RARB: variants seen among roughly 807,000 people sequenced by gnomAD.
The protein encoded by RARB is retinoic acid receptor beta.
In RARB, 17 loss-of-function variants were observed where a neutral mutation model predicts 51.9. The ratio of observed to expected loss-of-function variants is 0.33; its 90% CI spans 0.22 to 0.49. The LOEUF is 0.49. Among genes scored for constraint, RARB ranks in the 20% least tolerant of loss-of-function variants. The pLI is 0.99. For synonymous variants in RARB, 215 were observed against 195.4 expected (o/e 1.10, Z -0.84); for missense variants, 369 against 550.8 (o/e 0.67, Z 3.30).
At chr3:25,207,692 C>G (rs1194782420) in intron 5 of RARB, among the ~76,000 whole-genome samples, 2 of 152,096 alleles carry the variant, frequency 1.3e-5, no homozygotes, top group East Asian at 1.9e-4. Flanking sequence ...TTGTGCTGTT[C>G]CCTAACATAC....
chr3:25,248,413 T>C (rs967070833), intron 5 of RARB, among the ~76,000 whole-genome samples: 1 of 152,192 alleles, frequency 6.6e-6, no homozygotes, highest in East Asian at 1.9e-4. Flanking sequence ...ATTTTATTAA[T>C]TGAGCTATTG....
chr3:25,578,966 C>G (rs1405096275), intron 4 of RARB, among the ~76,000 whole-genome samples: 5 of 152,208 alleles, frequency 3.3e-5, no homozygotes, highest in African/African-American at 1.2e-4. Flanking sequence ...TTACAAATAT[C>G]TCATCATTTT....
intron 2 of RARB, among the ~76,000 whole-genome samples, chr3:24,953,811 C>T (rs955884490): frequency 2.6e-5 from 4 of 152,104 alleles, no homozygotes; most frequent in South Asian, 2.1e-4. Flanking sequence ...TATGGTGTGC[C>T]GTGCCCATTC....
chr3:25,007,552 G>A (rs371621465), intron 2 of RARB, among the ~76,000 whole-genome samples: 30 of 133,288 alleles, frequency 2.3e-4, no homozygotes, highest in East Asian at 9.3e-4. Context: ...CTGAGATTGC[G>A]CCATTGCATT....
intron 3 of RARB, among the ~76,000 whole-genome samples, chr3:25,560,674 A>G (rs1013542158): frequency 2.0e-5 from 3 of 152,196 alleles, no homozygotes; most frequent in Non-Finnish European, 4.4e-5. Flanking sequence ...TGCTGGTCTC[A>G]TCTTGGATAA....
At position 25,594,596 on chromosome 3, in the gene RARB, C is replaced by T. The variant is rs146494197; in HGVS notation, c.1068C>T (p.Ile356=). ...EPLLEALKIY[I]RKRRPSKPHM... The stretch of plus-strand genomic sequence containing the variant: ...TGCTGGAAGCACTAAAAATTTATAT[C>T]AGAAAAAGACGACCCAGCAAGCCTC... The change falls in exon 7 of 8, where the codon ATC becomes ATT. Residue 356 remains isoleucine, a synonymous_variant. Transcript: ENST00000330688. 5.0e-6 allele frequency: 8 copies of T among 1,613,656 alleles called. No individual in the cohort carries two copies. The African/African-American group carries it at 8.0e-5, about 16-fold the overall frequency.
chr3:24,968,512 C>A (rs768760727), intron 2 of RARB, among the ~76,000 whole-genome samples: 1 of 152,078 alleles, frequency 6.6e-6, no homozygotes, highest in Non-Finnish European at 1.5e-5. Context: ...GGGCTGGGAT[C>A]AGTTGGGCTG....
chr3:24,977,436 T>C (rs1204954442), intron 2 of RARB, among the ~76,000 whole-genome samples: 4 of 152,196 alleles, frequency 2.6e-5, no homozygotes, highest in African/African-American at 9.6e-5. Context: ...TTTTATTTCG[T>C]TGAGCAGTGG....
At chr3:25,048,898 G>T (rs980117432) in intron 2 of RARB, among the ~76,000 whole-genome samples, 1 of 151,780 alleles carries the variant, frequency 6.6e-6, no homozygotes, top group Non-Finnish European at 1.5e-5. Context: ...TGGGACTAGC[G>T]CCCGCCACTG....
At chr3:25,431,820 A>C (rs1708221078) in intron 1 of RARB, among the ~76,000 whole-genome samples, 1 of 152,158 alleles carries the variant, frequency 6.6e-6, no homozygotes, top group Non-Finnish European at 1.5e-5. Context: ...GTGATGTTTG[A>C]TTAGGGAATG....
intron 5 of RARB, among the ~76,000 whole-genome samples, chr3:25,350,909 G>T (rs1028441446): frequency 6.6e-6 from 1 of 152,290 alleles, no homozygotes; most frequent in Admixed American, 6.5e-5. Context: ...TGGTGTCATT[G>T]TTTGGAGGTG....
chr3:25,274,614 C>G (rs1202534264), intron 5 of RARB, among the ~76,000 whole-genome samples: 1 of 152,166 alleles, frequency 6.6e-6, no homozygotes, highest in Admixed American at 6.5e-5. Flanking sequence ...GAAACAACCC[C>G]CAAATCTCAT....
At chr3:25,065,299 C>A (rs535096470) in intron 3 of RARB, among the ~76,000 whole-genome samples, 7 of 152,264 alleles carry the variant, frequency 4.6e-5, no homozygotes, top group Non-Finnish European at 8.8e-5. Flanking sequence ...TAGTGAAACT[C>A]AAGCTTTCTG....
At chr3:25,338,718 A>T (rs1287714792) in intron 5 of RARB, among the ~76,000 whole-genome samples, 1 of 152,194 alleles carries the variant, frequency 6.6e-6, no homozygotes. Flanking sequence ...TCATTCACTT[A>T]TCTATTTAAT....
At chr3:25,572,008 ATACT>A (rs1396075942) in intron 4 of RARB, among the ~76,000 whole-genome samples, 2 of 152,234 alleles carry the variant, frequency 1.3e-5, no homozygotes, top group Non-Finnish European at 2.9e-5. Context: ...TCTTTTAGAA[ATACT>A]TACTAATTGC....
At chr3:24,999,137 AC>A (rs1336114125) in intron 2 of RARB, among the ~76,000 whole-genome samples, 1 of 152,264 alleles carries the variant, frequency 6.6e-6, no homozygotes, top group East Asian at 1.9e-4. Flanking sequence ...ATAAACAGGC[AC>A]CAATTTCATT....
rs34198183 is a variant in RARB, at chr3:25,029,294, TAA to T, written c.-379-30828_-379-30827del. On this transcript the variant is annotated intron_variant, in intron 2 of 11. Coordinates refer to the RARB transcript ENST00000383772. ...TTGCTGCTAACATCCTTCTAACTCG[TAA>T]AATCATAGGTCAGTCGTGAGAAACC... Among the ~76,000 whole-genome samples the T allele has an allele frequency of 5.9e-5, 9 of 152,302 alleles. No homozygotes were observed. In the South Asian group the frequency reaches 1.9e-3, roughly 32 times the overall value.
chr3:25,316,754 A>G (rs1704434964), intron 5 of RARB, among the ~76,000 whole-genome samples: 5 of 152,208 alleles, frequency 3.3e-5, no homozygotes, highest in Admixed American at 3.3e-4. Flanking sequence ...AAATATGACA[A>G]TGACGAGATT....
intron 5 of RARB, among the ~76,000 whole-genome samples, chr3:25,328,909 C>G (rs1239621555): frequency 6.6e-6 from 1 of 152,198 alleles, no homozygotes; most frequent in African/African-American, 2.4e-5. Flanking sequence ...CCCACACCCA[C>G]AGAGCCTCGC....
Sources: allele counts gnomAD v4.1 joint callset (sites outside exome capture counted in the v4.1 genomes callset), GRCh38; gene constraint gnomAD v4.1.1; transcripts MANE v1.5; gene names NCBI Gene and HGNC (gene_info 2026-07-23, HGNC 2026-07-21).